Variants in MUCL3 observed in about 807,000 individuals in gnomAD.
The protein encoded by MUCL3 is mucin like 3.
A neutral mutation model predicts 70.2 loss-of-function variants in MUCL3; 42 were observed. That is an observed-to-expected ratio of 0.60 (90% CI 0.47 to 0.77). The LOEUF (loss-of-function observed/expected upper bound fraction) is 0.77. Among genes scored for constraint, MUCL3 ranks in the 30% least tolerant of loss-of-function variants. MUCL3 has a pLI of 0.00. For missense variants in MUCL3, 1,429 were observed against 1,670.0 expected, an observed-to-expected ratio of 0.86 and a Z score of 2.52; for synonymous variants, 522 against 647.0, an observed-to-expected ratio of 0.81 and a Z score of 2.93.
Position 30,949,211 on chromosome 6 carries a change from T to G in MUCL3, c.747T>G (p.Thr249=), listed in dbSNP as rs1192222959. 6 of 1,550,542 alleles carry G rather than the reference T, an allele frequency of 3.9e-6. No homozygotes were observed. The highest frequency in any genetic ancestry group is 2.4e-5 in the East Asian group (1 of 40,924). ...TTGTPEESEK[T]EDSRTTVASD... ...GAACCCCAGAAGAGTCAGAAAAAAC[T>G]GAAGATTCCAGAACAACAGTTGCCT... Residue 249 remains threonine (T), a synonymous_variant, in exon 2 of 3, where the codon ACT becomes ACG. Coordinates refer to ENST00000462446, the MANE Select transcript of MUCL3 (RefSeq NM_080870.4).
chr6:30,953,640 G>GA lies in MUCL3; in HGVS notation c.*534dup, dbSNP rs11307191. On this transcript the variant is annotated 3_prime_UTR_variant, in exon 3 of 3. Transcript: ENST00000462446. ...TTGCCCCCACCCCCATTTTTTTAAT[G>GA]AAAAAAAAAAACAAAAAAAACGGAT... The GA allele has an allele frequency of 5.5e-5, 8 of 144,478 alleles. No homozygotes were observed. Among genetic ancestry groups the GA allele is most frequent in the Non-Finnish European group, 1.1e-4 (7 of 65,888 alleles). 8.9% of individuals were successfully genotyped at this position (144,478 alleles called of 1,614,324 possible).
chr6:30,942,365 A>G (rs1795613901), intron 1 of MUCL3, among the ~76,000 whole-genome samples: 1 of 152,090 alleles, frequency 6.6e-6, no homozygotes, highest in South Asian at 2.1e-4. Context: ...AATTTGGAGG[A>G]GGGTCTCCAC....
In MUCL3 at chr6:30,951,423, A is replaced by G. The variant is rs1760682241; in HGVS notation, c.2959A>G (p.Thr987Ala). ...AGAGCCTACAGAAAATGGAGAAAGGACCCCACTGGCCAATGAGAACACCAC... is the reference window on the plus strand; with the variant it reads ...AGAGCCTACAGAAAATGGAGAAAGGGCCCCACTGGCCAATGAGAACACCAC... ...SAEPTENGER[T>A]PLANENTTTS... The change falls in exon 2 of 3, where the codon ACC (threonine) becomes GCC (alanine). Residue 987 changes from threonine (T) to alanine (A), a missense_variant. By Grantham distance (58) the Thr-to-Ala change is moderately conservative. Coordinates refer to ENST00000462446, the MANE Select transcript of MUCL3 (RefSeq NM_080870.4). The G allele has an allele frequency of 6.5e-7, 1 of 1,549,862 alleles. No individual in the cohort carries two copies. The highest frequency in any genetic ancestry group is 8.7e-7 in the Non-Finnish European group (1 of 1,146,784).
At position 30,951,734 on chromosome 6, in the gene MUCL3, T is replaced by C; in HGVS notation, c.3270T>C (p.Thr1090=). The change falls in exon 2 of 3, where the codon ACT becomes ACC. Residue 1090 remains threonine, a synonymous_variant. Coordinates refer to ENST00000462446, the MANE Select transcript of MUCL3 (RefSeq NM_080870.4). ...GGCCTACAGAACATGGAGCAAAAAC[T>C]ACGTCGGCCAATGAGAAGATCACAC... is the stretch of plus-strand genomic sequence containing the variant. ...PEGPTEHGAK[T]TSANEKITPS... 1 of 1,546,804 alleles carries C rather than the reference T, an allele frequency of 6.5e-7. No individual in the cohort carries two copies. Among genetic ancestry groups the C allele is most frequent in the Middle Eastern group, 1.7e-4 (1 of 5,938 alleles).
intron 1 of MUCL3, among the ~76,000 whole-genome samples, chr6:30,944,787 G>A (rs186409480): frequency 1.9e-3 from 282 of 152,320 alleles, no homozygotes; most frequent in Non-Finnish European, 3.2e-3. Flanking sequence ...ATGGTTGTAC[G>A]TGGAATGAAT....
chr6:30,943,625 C>A (rs1004667512), intron 1 of MUCL3, among the ~76,000 whole-genome samples: 4 of 152,178 alleles, frequency 2.6e-5, no homozygotes, highest in Non-Finnish European at 4.4e-5. Context: ...TAGATGAAAC[C>A]ATCTGAGAGA....
rs753826835 is a variant in MUCL3 at position 30,951,882 on chromosome 6, C to T, written c.3418C>T (p.Pro1140Ser). 14 of 1,612,816 alleles carry T rather than the reference C, an allele frequency of 8.7e-6. No individual in the cohort carries two copies. The Admixed American group carries it at 2.0e-4, about 23-fold the overall frequency. The change falls in exon 2 of 3, where the codon CCA (proline) becomes TCA (serine). Residue 1140 changes from proline to serine, a missense_variant. Coordinates refer to ENST00000462446, the MANE Select transcript of MUCL3 (RefSeq NM_080870.4). ...DRATSANVIT[P>S]APAEPIKHAK... ...GGCTACATCAGCCAATGTGATCACA[C>T]CAGCCCCAGCAGAGCCTATAAAACA... is the stretch of plus-strand genomic sequence containing the variant.
At chr6:30,952,930 C>T (rs370644456) in intron 2 of MUCL3, 41 bp from the exon 3 acceptor site, 25 of 1,606,186 alleles carry the variant, frequency 1.6e-5, no homozygotes, top group African/African-American at 2.7e-5. Context: ...GAAAACAAAT[C>T]GCAGATGGTT....
intron 2 of MUCL3, 146 bp downstream of exon 2, chr6:30,952,645 T>G: frequency 1.0e-6 from 1 of 957,124 alleles, no homozygotes; most frequent in East Asian, 2.7e-5. Flanking sequence ...AGAGTTTTGG[T>G]GAAAACTAAG....
Position 30,953,282 on chromosome 6 carries a change from G to A in MUCL3, c.*165G>A, listed in dbSNP as rs1012731352. 10 of 1,054,102 alleles carry A rather than the reference G, an allele frequency of 9.5e-6. No individual in the cohort carries two copies. The highest frequency in any genetic ancestry group is 2.9e-5 in the Admixed American group (1 of 33,972). The allele number at this position is 1,054,102 out of a possible 1,614,324, so 65.3% of individuals were successfully genotyped here. ...TTCTTGAAACTGGTTGGGGAATGAG[G>A]TGATAAGCAAGGAGGGTGTAAGTTT... is the stretch of plus-strand genomic sequence containing the variant. On this transcript the variant is annotated 3_prime_UTR_variant, in exon 3 of 3. Transcript: ENST00000462446.
chr6:30,948,194 C>T (rs769688705), intron 1 of MUCL3, among the ~76,000 whole-genome samples: 25 of 152,236 alleles, frequency 1.6e-4, no homozygotes, highest in Non-Finnish European at 3.1e-4. Flanking sequence ...ACAACTGTAA[C>T]GTGAAGTTGA....
At chr6:30,941,461 T>TC (rs1795573489) in intron 1 of MUCL3, among the ~76,000 whole-genome samples, 27 of 116,862 alleles carry the variant, frequency 2.3e-4, no homozygotes, top group Non-Finnish European at 3.4e-4. Context: ...CTTCTTCTTT[T>TC]TTTTTTTTTT....
chr6:30,946,863 G>A (rs1376928263), intron 1 of MUCL3, among the ~76,000 whole-genome samples: 4 of 152,154 alleles, frequency 2.6e-5, no homozygotes, highest in African/African-American at 4.8e-5. Flanking sequence ...CATCTATAAA[G>A]TTTGGAGAAT....
At chr6:30,947,072 T>C (rs1795809490) in intron 1 of MUCL3, among the ~76,000 whole-genome samples, 1 of 152,176 alleles carries the variant, frequency 6.6e-6, no homozygotes, top group Admixed American at 6.5e-5. Flanking sequence ...TGACCGCTTC[T>C]AAAGAGCCTT....
At position 30,949,962 on chromosome 6, in the gene MUCL3, G is replaced by A. The variant is rs1260788688; in HGVS notation, c.1498G>A (p.Glu500Lys). 3.9e-6 allele frequency: 6 copies of A among 1,549,758 alleles called. No individual in the cohort carries two copies. The African/African-American group carries it at 8.3e-5, about 21-fold the overall frequency. Residue 500 changes from glutamate to lysine, a missense_variant, in exon 2 of 3, where the codon GAA becomes AAA. Transcript: ENST00000462446. ...KTTPSPAEPT[E>K]NGQRTPFANE... ...CACACCATCCCCAGCAGAGCCTACAGAAAATGGACAAAGGACCCCATTTGC... is the reference window on the plus strand; with the variant it reads ...CACACCATCCCCAGCAGAGCCTACAAAAAATGGACAAAGGACCCCATTTGC...
chr6:30,945,615 C>T (rs1014322149), intron 1 of MUCL3, among the ~76,000 whole-genome samples: 2 of 151,980 alleles, frequency 1.3e-5, no homozygotes, highest in Non-Finnish European at 2.9e-5. Flanking sequence ...CCACTGCACT[C>T]CAGCCTGGTG....
In MUCL3 at chr6:30,951,113, A is replaced by C; in HGVS notation, c.2649A>C (p.Glu883Asp). The C allele has an allele frequency of 4.5e-6, 7 of 1,552,084 alleles. No homozygotes were observed. The highest frequency in any genetic ancestry group is 6.1e-6 in the Non-Finnish European group (7 of 1,147,056). Residue 883 changes from glutamate (E) to aspartate (D), a missense_variant, in exon 2 of 3, where the codon GAA (glutamate) becomes GAC (aspartate). Glu to Asp is a conservative substitution (Grantham distance 45). Coordinates refer to ENST00000462446, the MANE Select transcript of MUCL3 (RefSeq NM_080870.4). The stretch of plus-strand genomic sequence containing the variant: ...CCCCAGCAGAGCCTACAGAACATGA[A>C]GAAATGACCCCATTGGCCAATGAGA... ...TLSPAEPTEHEEMTPLANEKT... is the reference protein window; with the variant it reads ...TLSPAEPTEHDEMTPLANEKT...
Position 30,950,227 on chromosome 6 carries a change from C to A in MUCL3, c.1763C>A (p.Pro588Gln). ...CCTACAGAAAATGGACAAAGGACCCCATTTGCCAATGAGAAGACCACATCA... is the reference window on the plus strand; with the variant it reads ...CCTACAGAAAATGGACAAAGGACCCAATTTGCCAATGAGAAGACCACATCA... ...AEPTENGQRT[P>Q]FANEKTTSSS... Residue 588 changes from proline (P) to glutamine (Q), a missense_variant, in exon 2 of 3, where the codon CCA (proline) becomes CAA (glutamine). Transcript: ENST00000462446. 1.3e-6 allele frequency: 2 copies of A among 1,550,546 alleles called. No homozygotes were observed. Among genetic ancestry groups the A allele is most frequent in the Non-Finnish European group, 1.7e-6 (2 of 1,146,834 alleles).
At chr6:30,944,163 T>C (rs1191159713) in intron 1 of MUCL3, among the ~76,000 whole-genome samples, 1 of 152,060 alleles carries the variant, frequency 6.6e-6, no homozygotes, top group East Asian at 1.9e-4. Flanking sequence ...AAGGCATGAG[T>C]TGCTTAGCAA....
Sources: gnomAD v4.1 joint callset for allele counts (sites outside exome capture counted in the v4.1 genomes callset) on GRCh38, gnomAD v4.1.1 for gene constraint, MANE v1.5 for transcripts, NCBI Gene and HGNC (gene_info 2026-07-23, HGNC 2026-07-21) for gene names.